Variants in GRIN2B observed in about 807,000 individuals in gnomAD.
GRIN2B encodes the protein glutamate ionotropic receptor NMDA type subunit 2B, also known as glutamate receptor ionotropic, NMDA 2B.
In GRIN2B, 5 loss-of-function variants were observed where a neutral mutation model predicts 114.5. The observed-to-expected ratio is 0.04, with a 90% CI of 0.02 to 0.09. The LOEUF is 0.09. GRIN2B is among the 10% of genes least tolerant of loss of function. The pLI is 1.00. For missense variants in GRIN2B, 1,108 were observed against 1,943.5 expected (o/e 0.57, Z 8.08); for synonymous variants, 787 against 745.1 (o/e 1.06, Z -0.92).
intron 3 of GRIN2B, among the ~76,000 whole-genome samples, chr12:13,758,756 T>TC (rs1190470694): frequency 2.6e-5 from 4 of 152,168 alleles, no homozygotes; most frequent in Non-Finnish European, 5.9e-5. Flanking sequence ...TACTTCTATC[T>TC]CCCCTTTGCT....
intron 4 of GRIN2B, among the ~76,000 whole-genome samples, chr12:13,694,346 G>A (rs1323721959): frequency 6.6e-6 from 1 of 151,948 alleles, no homozygotes; most frequent in African/African-American, 2.4e-5. Context: ...TCTGACAAAG[G>A]CAGTGTCAAG....
chr12:13,866,145 A>C lies in GRIN2B; in HGVS notation c.64T>G (p.Ser22Ala). 6 of 1,613,406 alleles carry C rather than the reference A, an allele frequency of 3.7e-6. No individual in the cohort carries two copies. The highest frequency in any genetic ancestry group is 5.1e-6 in the Non-Finnish European group (6 of 1,179,952). Reference protein sequence around the residue: ...FWLVLAVLAVSGSRARSQKSP... With the variant: ...FWLVLAVLAVAGSRARSQKSP... ...TTCTGAGAACGAGCTCTGCTGCCTG[A>C]CACGGCCAGGACGGCCAACACCAAC... Residue 22 changes from serine (S) to alanine (A), a missense_variant, in exon 3 of 14, where the codon TCA (serine) becomes GCA (alanine). Physicochemically the swap from Ser to Ala is moderately conservative, Grantham distance 99 (BLOSUM62 1). This residue lies in a region of GRIN2B where 46 missense variants were observed against 44.4 expected (regional missense o/e 1.04). Transcript: ENST00000609686.
rs190048904 is a variant in GRIN2B at position 13,904,643 on chromosome 12, C to T, written c.-18-38417G>A. 2.2e-3 allele frequency among the ~76,000 whole-genome samples: 329 copies of T among 152,148 alleles called. 2 individuals carry two copies. Among genetic ancestry groups the T allele is most frequent in the African/African-American group, 7.5e-3 (313 of 41,554 alleles). The stretch of plus-strand genomic sequence containing the variant: ...TAGAATATCGTTTACTGAAGGTTTG[C>T]TGGTGTTCAAAATTCTAGTTTTTAT... On this transcript the variant is annotated intron_variant, in intron 2 of 13. Transcript: ENST00000609686.
At chr12:13,829,605 T>C (rs1323770372) in intron 3 of GRIN2B, among the ~76,000 whole-genome samples, 1 of 152,154 alleles carries the variant, frequency 6.6e-6, no homozygotes, top group Non-Finnish European at 1.5e-5. Context: ...GTTAACTAAG[T>C]CTTGGTTGAG....
rs948397565 is a variant in GRIN2B, at chr12:13,641,883, T to C, written c.1126-25226A>G. On this transcript the variant is annotated intron_variant, in intron 5 of 13. Transcript: ENST00000609686. Reference sequence around the variant, plus strand: ...ACAAGTGAAATTTAATTAATCAAAGTCATTCTCAAAATGTAACCTTAAGGT... The same window carrying C: ...ACAAGTGAAATTTAATTAATCAAAGCCATTCTCAAAATGTAACCTTAAGGT... 2.6e-5 allele frequency among the ~76,000 whole-genome samples: 4 copies of C among 152,218 alleles called. No individual in the cohort carries two copies. In the South Asian group the frequency reaches 8.3e-4, roughly 32 times the overall value.
chr12:13,646,647 C>T (rs1283448102), intron 5 of GRIN2B, among the ~76,000 whole-genome samples: 3 of 151,470 alleles, frequency 2.0e-5, no homozygotes, highest in Admixed American at 6.6e-5. Context: ...CCTCTTCTTC[C>T]TCCTCCTCCT....
At chr12:13,965,928 A>G (rs1283634335) in intron 2 of GRIN2B, among the ~76,000 whole-genome samples, 1 of 152,166 alleles carries the variant, frequency 6.6e-6, no homozygotes, top group Non-Finnish European at 1.5e-5. Flanking sequence ...TCTTTTTAGA[A>G]TAAGACCTTT....
intron 5 of GRIN2B, among the ~76,000 whole-genome samples, chr12:13,628,256 A>G (rs1006579215): frequency 3.3e-5 from 5 of 152,166 alleles, no homozygotes; most frequent in African/African-American, 1.2e-4. Context: ...GATGAAAGAC[A>G]CTGAGTGGAA....
intron 6 of GRIN2B, 130 bp downstream of exon 6, chr12:13,616,325 C>T (rs1949439972): frequency 2.7e-6 from 2 of 730,512 alleles, no homozygotes; most frequent in Non-Finnish European, 5.0e-6. Context: ...AATCCCACAG[C>T]TCAAAAGCAA....
intron 3 of GRIN2B, among the ~76,000 whole-genome samples, chr12:13,845,426 C>A (rs1368081116): frequency 6.6e-6 from 1 of 152,154 alleles, no homozygotes; most frequent in Non-Finnish European, 1.5e-5. Context: ...TTGTCCTCAC[C>A]TCTAATCAGG....
At chr12:13,577,302 A>G (rs1046191378) in intron 10 of GRIN2B, among the ~76,000 whole-genome samples, 9 of 152,372 alleles carry the variant, frequency 5.9e-5, no homozygotes, top group Admixed American at 5.9e-4. Context: ...ATGTTAAAAG[A>G]GCTGTAATCT....
chr12:13,569,227 A>G lies in GRIN2B; in HGVS notation c.2359+603T>C, dbSNP rs1030880703. On this transcript the variant is annotated intron_variant, in intron 12 of 13. Transcript: ENST00000609686. ...CTTGTTATGGGTTGAAAGATGTTAT[A>G]GAATCCCCCTAAAATATATATGTTG... Among the ~76,000 whole-genome samples, 3 of 152,294 alleles carry G rather than the reference A, an allele frequency of 2.0e-5. No individual in the cohort carries two copies. The East Asian group carries it at 5.8e-4, about 29-fold the overall frequency.
chr12:13,619,049 A>C (rs1221385021), intron 5 of GRIN2B, among the ~76,000 whole-genome samples: 1 of 152,192 alleles, frequency 6.6e-6, no homozygotes, highest in Non-Finnish European at 1.5e-5. Flanking sequence ...GTGTCATATC[A>C]GGGGACTCTG....
rs763055770 is a variant in GRIN2B, at chr12:13,753,616, G to A, written c.711C>T (p.Ala237=). Reference sequence around the variant, plus strand: ...AGTTGGCCACTTCAAAGATGTAGGTGGCTTCTTCCTTGGTACAGTAAAGAA... The same window carrying A: ...AGTTGGCCACTTCAAAGATGTAGGTAGCTTCTTCCTTGGTACAGTAAAGAA... The part of the protein sequence containing the change: ...IILLYCTKEE[A]TYIFEVANSV... The change falls in exon 4 of 14, where the codon GCC becomes GCT. Residue 237 remains alanine (A), a synonymous_variant. Transcript: ENST00000609686. This position sits in a 1 kb window ranked among gnomAD's most constrained non-coding sequence, Gnocchi z 6.2. The A allele has an allele frequency of 4.3e-6, 7 of 1,614,044 alleles. No individual in the cohort carries two copies. The Admixed American group carries it at 8.3e-5, about 19-fold the overall frequency.
intron 3 of GRIN2B, among the ~76,000 whole-genome samples, chr12:13,759,343 C>T (rs892546381): frequency 3.3e-5 from 5 of 152,066 alleles, no homozygotes; most frequent in African/African-American, 1.2e-4. Flanking sequence ...CACATATCTA[C>T]CTCACAGAAA....
intron 5 of GRIN2B, among the ~76,000 whole-genome samples, chr12:13,657,139 G>T (rs975159344): frequency 1.3e-5 from 2 of 152,168 alleles, no homozygotes; most frequent in South Asian, 4.2e-4. Context: ...TGACTGCAAA[G>T]AGTCAATAAA....
At chr12:13,938,296 G>T (rs1044780868) in intron 2 of GRIN2B, among the ~76,000 whole-genome samples, 2 of 151,734 alleles carry the variant, frequency 1.3e-5, no homozygotes, top group African/African-American at 4.8e-5. Context: ...TGAAAAAAAA[G>T]CAAGACCCAA....
At chr12:13,687,370 C>T (rs1351834531) in intron 4 of GRIN2B, among the ~76,000 whole-genome samples, 1 of 151,998 alleles carries the variant, frequency 6.6e-6, no homozygotes, top group Non-Finnish European at 1.5e-5. Flanking sequence ...ACAACTCAGG[C>T]TAGTCATCTC....
At chr12:13,667,195 C>A (rs191225500) in intron 5 of GRIN2B, among the ~76,000 whole-genome samples, 2 of 152,114 alleles carry the variant, frequency 1.3e-5, no homozygotes, top group Admixed American at 1.3e-4. Flanking sequence ...AACACATGGA[C>A]AACCCCATTC....
Sources: allele counts gnomAD v4.1 joint callset (sites outside exome capture counted in the v4.1 genomes callset), GRCh38; gene constraint gnomAD v4.1.1; regional missense constraint gnomAD v4.1.1; non-coding constraint Gnocchi (gnomAD v3.1); transcripts MANE v1.5; gene names NCBI Gene and HGNC (gene_info 2026-07-23, HGNC 2026-07-21).